Variants in GRB10 observed in about 807,000 individuals in gnomAD.
The protein encoded by GRB10 is growth factor receptor-bound protein 10.
Under a neutral mutation model 80.9 loss-of-function variants are expected in GRB10, and 20 were observed. That is an observed-to-expected ratio of 0.25 (90% CI 0.17 to 0.36). GRB10 has a LOEUF of 0.36. GRB10 is among the 10% of genes least tolerant of loss of function. The probability of loss-of-function intolerance (pLI) is 1.00; values close to 1 mark genes in which losing one functional copy is unlikely to be tolerated. For missense variants in GRB10, 548 were observed against 747.7 expected (o/e 0.73, Z 3.12); for synonymous variants, 291 against 291.5 (o/e 1.00, Z 0.02).
intron 8 of GRB10, among the ~76,000 whole-genome samples, chr7:50,621,664 G>A (rs1445548358): frequency 6.6e-6 from 1 of 152,172 alleles, no homozygotes; most frequent in Non-Finnish European, 1.5e-5. Context: ...ATTTTCAAAT[G>A]ACCTTGCATG....
At chr7:50,642,661 T>C (rs2056474361) in intron 7 of GRB10, among the ~76,000 whole-genome samples, 1 of 152,182 alleles carries the variant, frequency 6.6e-6, no homozygotes, top group African/African-American at 2.4e-5. Flanking sequence ...CTAGTAAGTG[T>C]ACTGCAAACA....
At position 50,684,200 on chromosome 7, in the gene GRB10, T is replaced by C. The variant is rs915950867; in HGVS notation, c.140-9542A>G. Among the ~76,000 whole-genome samples, 5 of 137,960 alleles carry C rather than the reference T, an allele frequency of 3.6e-5. No homozygotes were observed. The East Asian group carries it at 1.1e-3, about 29-fold the overall frequency. 90.5% of individuals were successfully genotyped at this position (137,960 alleles called of 152,430 possible). A position where few individuals can be genotyped will look rare whatever the true frequency, so the allele number is the denominator to read the frequency against. On this transcript the variant is annotated intron_variant, in intron 5 of 18. Transcript: ENST00000401949. The stretch of plus-strand genomic sequence containing the variant: ...GGACAACTGGTAGCAAAGGCTAAAG[T>C]CTAGGACAAACTTCAGAATCAAATG...
In GRB10 at chr7:50,767,119, G is replaced by T. The variant is rs139024047; in HGVS notation, c.-216-11063C>A. ...TGCAGTATTCTTTTTTAATGAGTGTGCATGATCTCCAGTATTTAGTTCTCT... is the reference window on the plus strand; with the variant it reads ...TGCAGTATTCTTTTTTAATGAGTGTTCATGATCTCCAGTATTTAGTTCTCT... On this transcript the variant is annotated intron_variant, in intron 2 of 18. Coordinates refer to ENST00000401949, the MANE Select transcript of GRB10 (RefSeq NM_001350814.2). 3.4e-3 allele frequency among the ~76,000 whole-genome samples: 524 copies of T among 152,288 alleles called. 6 individuals are homozygous for T. Among genetic ancestry groups the T allele is most frequent in the Admixed American group, 0.021 (326 of 15,292 alleles).
intron 5 of GRB10, among the ~76,000 whole-genome samples, chr7:50,682,189 C>T (rs775106916): frequency 3.9e-5 from 6 of 152,234 alleles, no homozygotes; most frequent in Admixed American, 1.3e-4. Context: ...CACCTCAGAA[C>T]GCCTGGAGCA....
chr7:50,774,072 G>A (rs140836723), intron 2 of GRB10, among the ~76,000 whole-genome samples: 15 of 152,186 alleles, frequency 9.9e-5, no homozygotes, highest in African/African-American at 3.6e-4. Context: ...GATTAACCAT[G>A]AAAACATTAT....
chr7:50,592,756 C>T lies in GRB10; in HGVS notation c.*196G>A, dbSNP rs2045967015. Reference sequence around the variant, plus strand: ...ATTTGGCCGATGCAGAGGGAGGCGACCCTGCTGGGTTCACAGCAGCAAATC... The same window carrying T: ...ATTTGGCCGATGCAGAGGGAGGCGATCCTGCTGGGTTCACAGCAGCAAATC... On this transcript the variant is annotated 3_prime_UTR_variant, in exon 19 of 19. Transcript: ENST00000401949. 2.5e-5 allele frequency: 16 copies of T among 646,458 alleles called. No homozygotes were observed. The highest frequency in any genetic ancestry group is 3.8e-5 in the Non-Finnish European group (14 of 368,582). 40.0% of individuals were successfully genotyped at this position (646,458 alleles called of 1,614,324 possible). A position where few individuals can be genotyped will look rare whatever the true frequency, so the allele number is the denominator to read the frequency against.
chr7:50,659,897 G>A (rs930912304), intron 7 of GRB10, among the ~76,000 whole-genome samples: 7 of 152,206 alleles, frequency 4.6e-5, no homozygotes, highest in African/African-American at 1.2e-4. Flanking sequence ...TCACTTAGGC[G>A]TACTGAAATG....
chr7:50,634,260 C>T (rs2529386), intron 7 of GRB10, among the ~76,000 whole-genome samples: 80,225 of 151,986 alleles, frequency 0.53, 21,301 homozygotes, highest in Admixed American at 0.54. Context: ...AAAAAAGAAA[C>T]GTAAGTCAAG....
chr7:50,765,746 A>C (rs2076276284), intron 2 of GRB10, among the ~76,000 whole-genome samples: 1 of 87,480 alleles, frequency 1.1e-5, no homozygotes, highest in Non-Finnish European at 3.5e-5. Flanking sequence ...TTCTTGAAAT[A>C]AGTACACTTA....
chr7:50,633,656 C>A (rs1367420257), intron 7 of GRB10, among the ~76,000 whole-genome samples: 24 of 151,360 alleles, frequency 1.6e-4, no homozygotes, highest in Non-Finnish European at 2.7e-4. Flanking sequence ...ACAAAAAAAC[C>A]AGAAGAGTAA....
intron 2 of GRB10, among the ~76,000 whole-genome samples, chr7:50,769,899 A>T (rs144751283): frequency 1.3e-5 from 2 of 152,256 alleles, no homozygotes; most frequent in East Asian, 3.9e-4. Flanking sequence ...TGACGTTGGT[A>T]TCACAGTTTC....
chr7:50,727,009 A>G (rs1587549987), intron 4 of GRB10: 1 of 152,238 alleles, frequency 6.6e-6, no homozygotes, highest in Admixed American at 6.5e-5. Context: ...CATTGGCAGG[A>G]GAGAAAATCC....
intron 5 of GRB10, among the ~76,000 whole-genome samples, chr7:50,688,410 G>C (rs779917026): frequency 6.6e-6 from 1 of 152,190 alleles, no homozygotes; most frequent in Non-Finnish European, 1.5e-5. Flanking sequence ...GGCAGAGGGA[G>C]AAAGAGAAAC....
At chr7:50,704,408 A>G (rs1426181601) in intron 4 of GRB10, among the ~76,000 whole-genome samples, 2 of 152,226 alleles carry the variant, frequency 1.3e-5, no homozygotes, top group African/African-American at 4.8e-5. Context: ...GGCAAAATGT[A>G]AAACAGCAAT....
chr7:50,626,743 T>C, intron 8 of GRB10, 79 bp downstream of exon 8: 1 of 1,523,080 alleles, frequency 6.6e-7, no homozygotes, highest in Non-Finnish European at 9.1e-7. Flanking sequence ...GTCACACATT[T>C]GGCATTTGGC....
chr7:50,629,787 C>A (rs2153595402), intron 7 of GRB10, among the ~76,000 whole-genome samples: 1 of 152,294 alleles, frequency 6.6e-6, no homozygotes, highest in Non-Finnish European at 1.5e-5. Flanking sequence ...CCAACTGCCC[C>A]TTTAGTAACC....
At chr7:50,627,764 C>T (rs1314862458) in intron 7 of GRB10, among the ~76,000 whole-genome samples, 5 of 152,198 alleles carry the variant, frequency 3.3e-5, no homozygotes, top group African/African-American at 4.8e-5. Context: ...ATCCTTACCT[C>T]GACAGCCCGG....
At chr7:50,777,113 G>A (rs891737574) in intron 2 of GRB10, among the ~76,000 whole-genome samples, 8 of 152,224 alleles carry the variant, frequency 5.3e-5, no homozygotes, top group African/African-American at 1.9e-4. Flanking sequence ...ACTTCTCATG[G>A]TTCTGGAAGA....
chr7:50,710,153 T>C (rs1214736940), intron 4 of GRB10, among the ~76,000 whole-genome samples: 1 of 152,036 alleles, frequency 6.6e-6, no homozygotes, highest in African/African-American at 2.4e-5. Flanking sequence ...CCTGCTTTAA[T>C]TCCAAGCAGG....
Sources: gnomAD v4.1 joint callset for allele counts (sites outside exome capture counted in the v4.1 genomes callset) on GRCh38, gnomAD v4.1.1 for gene constraint, MANE v1.5 for transcripts, NCBI Gene and HGNC (gene_info 2026-07-23, HGNC 2026-07-21) for gene names.